The following ZNF18 variants were observed in gnomAD, a reference collection of about 807,000 sequenced individuals.
ZNF18 encodes the protein zinc finger protein 18, also known as heart development-specific gene 1 protein.
ZNF18 carries 42 observed loss-of-function variants against 58.1 expected under a neutral mutation model. The observed-to-expected ratio is 0.72, with a 90% CI of 0.56 to 0.93. The LOEUF is 0.93. ZNF18 is among the 40% of genes least tolerant of loss of function. The probability of loss-of-function intolerance (pLI) is 0.00; values close to 1 mark genes in which losing one functional copy is unlikely to be tolerated. For synonymous variants in ZNF18, 231 were observed against 239.8 expected (o/e 0.96, Z 0.34); for missense variants, 540 against 644.2 (o/e 0.84, Z 1.75).
intron 6 of ZNF18, among the ~76,000 whole-genome samples, chr17:11,980,080 G>A (rs566375725): frequency 1.3e-5 from 2 of 152,034 alleles, no homozygotes; most frequent in Non-Finnish European, 2.9e-5. Context: ...CTGTGTCAAC[G>A]GGCATAAATA....
At chr17:12,006,404 A>G in the ZNF18 span, among the ~76,000 whole-genome samples, 2 of 152,232 alleles carry the variant, frequency 1.3e-5, no homozygotes, top group Admixed American at 1.3e-4. Flanking sequence ...AATGAGAGAT[A>G]AAAATGCCAC....
the ZNF18 span, among the ~76,000 whole-genome samples, chr17:12,020,657 A>G: frequency 6.6e-6 from 1 of 152,140 alleles, no homozygotes; most frequent in South Asian, 2.1e-4. Flanking sequence ...GCCCTGGTCC[A>G]AGACAGCTGT....
chr17:12,018,864 T>C, the ZNF18 span, among the ~76,000 whole-genome samples: 1 of 151,784 alleles, frequency 6.6e-6, no homozygotes, highest in East Asian at 1.9e-4. Flanking sequence ...ATATTTTTAT[T>C]GTATTTCTCT....
the ZNF18 span, among the ~76,000 whole-genome samples, chr17:12,015,066 C>T: frequency 6.6e-6 from 1 of 151,856 alleles, no homozygotes; most frequent in Non-Finnish European, 1.5e-5. Context: ...CAAAAAAAAC[C>T]CCACTGAATT....
chr17:12,005,221 T>G, the ZNF18 span, among the ~76,000 whole-genome samples: 2 of 151,108 alleles, frequency 1.3e-5, no homozygotes, highest in South Asian at 2.1e-4. Context: ...ATTATATATA[T>G]AGAACATGAA....
chr17:12,015,075 T>C, the ZNF18 span, among the ~76,000 whole-genome samples: 1 of 152,000 alleles, frequency 6.6e-6, no homozygotes, highest in Non-Finnish European at 1.5e-5. Context: ...CCCCACTGAA[T>C]TATATACTAT....
intron 4 of ZNF18, among the ~76,000 whole-genome samples, chr17:11,985,492 T>G (rs1284382500): frequency 2.0e-5 from 3 of 152,238 alleles, no homozygotes; most frequent in Non-Finnish European, 4.4e-5. Context: ...ATAATGCAAG[T>G]GTCACCTGTT....
chr17:12,013,258 G>C, the ZNF18 span, among the ~76,000 whole-genome samples: 1 of 152,130 alleles, frequency 6.6e-6, no homozygotes, highest in Non-Finnish European at 1.5e-5. Flanking sequence ...CCAATTTATA[G>C]GAAATTTTTA....
intron 1 of ZNF18, among the ~76,000 whole-genome samples, chr17:11,996,370 G>A (rs1968470195): frequency 6.6e-6 from 1 of 152,106 alleles, no homozygotes; most frequent in Admixed American, 6.6e-5. Context: ...TAAACTTACT[G>A]CAATTTATCT....
intron 1 of ZNF18, among the ~76,000 whole-genome samples, chr17:11,996,254 GAATA>G (rs1202320271): frequency 6.6e-6 from 1 of 152,090 alleles, no homozygotes; most frequent in Non-Finnish European, 1.5e-5. Context: ...CTTAAAAAAC[GAATA>G]AATATATTTT....
chr17:12,010,572 C>T, the ZNF18 span, among the ~76,000 whole-genome samples: 8 of 152,196 alleles, frequency 5.3e-5, no homozygotes, highest in Admixed American at 3.3e-4. Flanking sequence ...CCCGTCACCA[C>T]GCCCAGCTAA....
At chr17:11,993,759 G>C (rs1310849978) in intron 1 of ZNF18, 1 of 137,352 alleles carries the variant, frequency 7.3e-6, no homozygotes, top group African/African-American at 2.7e-5. Context: ...AGGAGGTGGA[G>C]CTTGCAGTGA....
chr17:12,013,407 G>A, the ZNF18 span, among the ~76,000 whole-genome samples: 2 of 152,174 alleles, frequency 1.3e-5, no homozygotes, highest in African/African-American at 2.4e-5. Flanking sequence ...GTCGTTCTTA[G>A]AAATGATGGG....
At chr17:12,008,763 T>G in the ZNF18 span, among the ~76,000 whole-genome samples, 1 of 152,188 alleles carries the variant, frequency 6.6e-6, no homozygotes, top group African/African-American at 2.4e-5. Flanking sequence ...ACTTGATACT[T>G]ACTTAATCAG....
chr17:12,014,973 G>A, the ZNF18 span, among the ~76,000 whole-genome samples: 39 of 151,946 alleles, frequency 2.6e-4, no homozygotes, highest in Non-Finnish European at 4.3e-4. Context: ...GCGTGAACCC[G>A]GAAGGCAGAG....
At position 11,992,815 on chromosome 17, in the gene ZNF18, C is replaced by T. The variant is rs748318726; in HGVS notation, c.15G>A (p.Leu5=). The T allele has an allele frequency of 7.4e-6, 12 of 1,612,202 alleles. No homozygotes were observed. Among genetic ancestry groups the T allele is most frequent in the South Asian group, 1.1e-5 (1 of 91,032 alleles). The change falls in exon 2 of 7, where the codon TTG becomes TTA. Residue 5 remains leucine (L), a synonymous_variant. Transcript: ENST00000580306. The part of the protein sequence containing the change: MPVD[L]GQALGLLPSL... Reference sequence around the variant, plus strand: ...ATGGCAGCAGGCCTAGGGCCTGCCCCAAGTCAACGGGCATTGTCCAGCCTG... The same window carrying T: ...ATGGCAGCAGGCCTAGGGCCTGCCCTAAGTCAACGGGCATTGTCCAGCCTG...
chr17:11,988,327 C>G (rs1967881662), intron 4 of ZNF18, among the ~76,000 whole-genome samples: 2 of 152,140 alleles, frequency 1.3e-5, no homozygotes, highest in South Asian at 4.1e-4. Flanking sequence ...AACTTACTGC[C>G]TAGACAGAGG....
chr17:11,978,851 T>TC, intron 6 of ZNF18, 107 bp from the exon 7 acceptor site: 1 of 746,262 alleles, frequency 1.3e-6, no homozygotes, highest in East Asian at 2.9e-5. Flanking sequence ...TTTTTTTTTT[T>TC]TTTTTTTTTT....
chr17:12,003,180 G>T, the ZNF18 span, among the ~76,000 whole-genome samples: 1 of 152,158 alleles, frequency 6.6e-6, no homozygotes, highest in Non-Finnish European at 1.5e-5. Context: ...AAGAGGCCAG[G>T]CGTGGTGGCT....
Sources: gnomAD v4.1 joint callset for allele counts (sites outside exome capture counted in the v4.1 genomes callset) on GRCh38, gnomAD v4.1.1 for gene constraint, MANE v1.5 for transcripts, NCBI Gene and HGNC (gene_info 2026-07-23, HGNC 2026-07-21) for gene names.